Variants in KIF1B observed in about 807,000 individuals in gnomAD.
The protein encoded by KIF1B is kinesin-like protein KIF1B.
In KIF1B, 76 loss-of-function variants were observed where a neutral mutation model predicts 241.9. That is an observed-to-expected ratio of 0.31 (90% CI 0.26 to 0.38). The LOEUF is 0.38. KIF1B is among the 10% of genes least tolerant of loss of function. KIF1B has a pLI of 1.00. For missense variants in KIF1B, 1,622 were observed against 2,271.4 expected (o/e 0.71, Z 5.81); for synonymous variants, 750 against 796.7 (o/e 0.94, Z 0.99).
chr1:10,257,699 T>C (rs545891894), intron 3 of KIF1B, among the ~76,000 whole-genome samples: 1 of 152,130 alleles, frequency 6.6e-6, no homozygotes, highest in African/African-American at 2.4e-5. Context: ...TTTTAAAGAC[T>C]GAGTCTCGCT....
At chr1:10,263,284 T>TA (rs1326922833) in intron 5 of KIF1B, among the ~76,000 whole-genome samples, 2,997 of 142,628 alleles carry the variant, frequency 0.021, 96 homozygotes, top group African/African-American at 0.073. Flanking sequence ...AAAAAAATAA[T>TA]AATAATAAAT....
At chr1:10,343,094 A>G (rs903698165) in intron 33 of KIF1B, 138 bp from the exon 34 acceptor site, 20 of 842,094 alleles carry the variant, frequency 2.4e-5, no homozygotes, top group Non-Finnish European at 4.0e-5. Context: ...CTGTCACAGA[A>G]CTTTTACGTA....
chr1:10,253,349 T>C (rs1003345238), intron 2 of KIF1B, among the ~76,000 whole-genome samples: 2 of 151,946 alleles, frequency 1.3e-5, no homozygotes, highest in Admixed American at 6.6e-5. Context: ...GAGCATCAAA[T>C]AGGTTAGTAG....
chr1:10,239,968 G>T (rs139603405), intron 2 of KIF1B, among the ~76,000 whole-genome samples: 1 of 151,796 alleles, frequency 6.6e-6, no homozygotes, highest in Admixed American at 6.6e-5. Flanking sequence ...GGGTTTCACC[G>T]TGTTAGCCAA....
At chr1:10,288,513 G>A in intron 15 of KIF1B, among the ~76,000 whole-genome samples, 1 of 152,134 alleles carries the variant, frequency 6.6e-6, no homozygotes, top group East Asian at 1.9e-4. Flanking sequence ...GAAGCCTAAT[G>A]AGAGCCATTT....
At chr1:10,257,663 T>A (rs763854456) in intron 3 of KIF1B, among the ~76,000 whole-genome samples, 5 of 151,816 alleles carry the variant, frequency 3.3e-5, no homozygotes, top group Non-Finnish European at 7.4e-5. Flanking sequence ...ATGTTTTTGG[T>A]TTTGTTTTTC....
Position 10,374,319 on chromosome 1 carries a change from C to G in KIF1B, c.4950C>G (p.Thr1650=). 1 of 1,613,864 alleles carries G rather than the reference C, an allele frequency of 6.2e-7. No homozygotes were observed. Among genetic ancestry groups the G allele is most frequent in the Non-Finnish European group, 8.5e-7 (1 of 1,179,842 alleles). Residue 1650 remains threonine, a synonymous_variant, in exon 46 of 49, where the codon ACC becomes ACG. Transcript: ENST00000676179. The surrounding 1 kb of genome is among the most constrained non-coding windows in gnomAD (Gnocchi z 4.3). ...TTCTAATCTCTCTATTTTAAAGGAC[C>G]CCAGAAGCCAATTCCCGGGCCTCTA... ...DSRSNSLDQK[T]PEANSRASSP...
intron 38 of KIF1B, among the ~76,000 whole-genome samples, chr1:10,358,683 C>CAAAAAAAAAAAAA (rs767246662): frequency 1.3e-5 from 1 of 79,306 alleles, no homozygotes; most frequent in Non-Finnish European, 2.9e-5. Flanking sequence ...GACTCTGTCT[C>CAAAAAAAAAAAAA]AAAAAAAAAA....
intron 23 of KIF1B, among the ~76,000 whole-genome samples, chr1:10,320,791 G>A (rs554901114): frequency 1.4e-5 from 2 of 140,032 alleles, no homozygotes; most frequent in Admixed American, 7.2e-5. Flanking sequence ...CAATGGTGCA[G>A]TCTTAGCTCA....
chr1:10,259,529 GTCTC>G (rs1486391831), intron 4 of KIF1B, among the ~76,000 whole-genome samples: 2 of 148,690 alleles, frequency 1.3e-5, no homozygotes, highest in African/African-American at 5.0e-5. Flanking sequence ...TTGAGGTGGA[GTCTC>G]TCTCTGTTGC....
intron 2 of KIF1B, among the ~76,000 whole-genome samples, chr1:10,250,709 C>T (rs1467311673): frequency 6.6e-6 from 1 of 152,036 alleles, no homozygotes; most frequent in African/African-American, 2.4e-5. Context: ...ACCTATAGGC[C>T]CAATTACTTG....
In KIF1B at chr1:10,303,529, C is replaced by T. The variant is rs1451694493; in HGVS notation, c.2115+6283C>T. On this transcript the variant is annotated intron_variant, in intron 22 of 48. Transcript: ENST00000676179. The surrounding 1 kb of genome is among the most constrained non-coding windows in gnomAD (Gnocchi z 5.2). The stretch of plus-strand genomic sequence containing the variant: ...GTATGGCAAGAAAGACCCCAATGAG[C>T]GGGACTCCTGGAGGGCAGTGGCCAG... 9 of 1,613,994 alleles carry T rather than the reference C, an allele frequency of 5.6e-6. No homozygotes were observed. The highest frequency in any genetic ancestry group is 1.1e-5 in the South Asian group (1 of 91,072).
At chr1:10,332,362 G>A (rs551068117) in intron 27 of KIF1B, among the ~76,000 whole-genome samples, 6 of 151,554 alleles carry the variant, frequency 4.0e-5, no homozygotes, top group Non-Finnish European at 5.9e-5. Context: ...CACCATGCCC[G>A]GCCCTTAACA....
chr1:10,305,422 C>G, intron 22 of KIF1B: 1 of 1,056,272 alleles, frequency 9.5e-7, no homozygotes, highest in Non-Finnish European at 1.1e-6. Flanking sequence ...CACATGCACA[C>G]AAAGTGAACT....
intron 1 of KIF1B, among the ~76,000 whole-genome samples, chr1:10,221,085 A>G (rs892756500): frequency 2.0e-5 from 3 of 148,384 alleles, no homozygotes; most frequent in African/African-American, 7.5e-5. Flanking sequence ...GTTAGAATAC[A>G]GAAAGAAGCT....
chr1:10,282,359 G>A lies in KIF1B; in HGVS notation c.1260G>A (p.Leu420=). The change falls in exon 15 of 49, where the codon TTG becomes TTA. Residue 420 remains leucine, a synonymous_variant. Transcript: ENST00000676179. The part of the protein sequence containing the change: ...KDFQNNKHRY[L]LASENQRPGH... ...TTCAGAACAATAAGCATAGATACTT[G>A]CTAGCCTCTGAGAATCAACGCCCTG... The A allele has an allele frequency of 6.2e-7, 1 of 1,613,890 alleles. No homozygotes were observed. Among genetic ancestry groups the A allele is most frequent in the South Asian group, 1.1e-5 (1 of 91,068 alleles).
intron 1 of KIF1B, among the ~76,000 whole-genome samples, chr1:10,215,151 TATATATATATATATATATA>T (rs1646746820): frequency 1.6e-5 from 1 of 61,646 alleles, no homozygotes; most frequent in Non-Finnish European, 2.9e-5. Flanking sequence ...TATATATATA[TATATATATATATATATATA>T]TATTTTTTTT....
rs1289920058 is a variant in KIF1B, at chr1:10,337,811, C to T, written c.3422+278C>T. Among the ~76,000 whole-genome samples, 1 of 152,186 alleles carries T rather than the reference C, an allele frequency of 6.6e-6. No individual in the cohort carries two copies. Among genetic ancestry groups the T allele is most frequent in the Non-Finnish European group, 1.5e-5 (1 of 68,040 alleles). ...CTTTACCAGGAATGTAGGGTCTGAT[C>T]ACATAAGCCTGTTGATGAGTCTTTC... On this transcript the variant is annotated intron_variant, in intron 31 of 48. Transcript: ENST00000676179. This position sits in a 1 kb window ranked among gnomAD's most constrained non-coding sequence, Gnocchi z 4.0.
intron 2 of KIF1B, among the ~76,000 whole-genome samples, chr1:10,239,139 GTT>G (rs1647098777): frequency 6.6e-6 from 1 of 151,996 alleles, no homozygotes; most frequent in African/African-American, 2.4e-5. Flanking sequence ...TGTAGAGAGA[GTT>G]TCTACAAAAA....
Sources: allele counts gnomAD v4.1 joint callset (sites outside exome capture counted in the v4.1 genomes callset), GRCh38; gene constraint gnomAD v4.1.1; non-coding constraint Gnocchi (gnomAD v3.1); transcripts MANE v1.5; gene names NCBI Gene and HGNC (gene_info 2026-07-23, HGNC 2026-07-21).